RGS3: variants seen among roughly 807,000 people sequenced by gnomAD.
RGS3 encodes the protein regulator of G-protein signalling 3.
RGS3 carries 80 observed loss-of-function variants against 132.6 expected under a neutral mutation model. That is an observed-to-expected ratio of 0.60 (90% CI 0.50 to 0.73). RGS3 has a LOEUF of 0.73. Among genes scored for constraint, RGS3 ranks in the 30% least tolerant of loss-of-function variants. The probability of loss-of-function intolerance (pLI) is 0.00; values close to 1 mark genes in which losing one functional copy is unlikely to be tolerated. For missense variants in RGS3, 1,382 were observed against 1,530.8 expected (o/e 0.90, Z 1.62); for synonymous variants, 598 against 620.6 (o/e 0.96, Z 0.54).
chr9:113,477,024 G>C (rs1314319429), intron 3 of RGS3, among the ~76,000 whole-genome samples: 2 of 152,142 alleles, frequency 1.3e-5, no homozygotes, highest in Non-Finnish European at 2.9e-5. Flanking sequence ...TCGTTTGCCT[G>C]TTTCCAAACC....
chr9:113,471,539 T>C lies in RGS3; in HGVS notation c.416-7952T>C, dbSNP rs1476715118. Among the ~76,000 whole-genome samples the C allele has an allele frequency of 2.0e-5, 3 of 152,184 alleles. No homozygotes were observed. The East Asian group carries it at 5.8e-4, about 29-fold the overall frequency. On this transcript the variant is annotated intron_variant, in intron 3 of 24. Coordinates refer to ENST00000350696, the Ensembl canonical transcript of RGS3. ...TGTCATCCCAGAAATGGAAGTCCCC[T>C]ACATATATTTTCTAAGCTTTTTTGA...
intron 19 of RGS3, among the ~76,000 whole-genome samples, chr9:113,560,261 G>T (rs1481184565): frequency 6.6e-6 from 1 of 152,180 alleles, no homozygotes; most frequent in African/African-American, 2.4e-5. Flanking sequence ...AGATCAGGAA[G>T]GGGAACGGGC....
intron 19 of RGS3, among the ~76,000 whole-genome samples, chr9:113,555,432 T>C (rs1182557331): frequency 6.6e-6 from 1 of 152,068 alleles, no homozygotes; most frequent in African/African-American, 2.4e-5. Context: ...CTCCTAGGTA[T>C]TGTTATAATT....
intron 16 of RGS3, among the ~76,000 whole-genome samples, chr9:113,519,360 C>CT (rs1831826320): frequency 1.3e-5 from 2 of 152,090 alleles, no homozygotes; most frequent in Admixed American, 6.6e-5. Context: ...TCTCTGGAGA[C>CT]TTAGAACCAA....
upstream of RGS3, among the ~76,000 whole-genome samples, chr9:113,457,470 A>G (rs1829389316): frequency 6.6e-6 from 1 of 152,192 alleles, no homozygotes; most frequent in Non-Finnish European, 1.5e-5. Context: ...TGCTATATGT[A>G]TCCCCAGTGC....
chr9:113,597,008 A>C (rs1588313558), exon 25 of RGS3: 2 of 1,461,002 alleles, frequency 1.4e-6, no homozygotes. Flanking sequence ...TCCCCTGCCC[A>C]CCTGCCTCCC....
intron 19 of RGS3, among the ~76,000 whole-genome samples, chr9:113,552,918 G>A (rs1031435100): frequency 6.6e-6 from 1 of 151,820 alleles, no homozygotes; most frequent in African/African-American, 2.4e-5. Context: ...CATTATATTT[G>A]GTTTTTTAAC....
In RGS3 at chr9:113,596,723, G is replaced by T. The variant is rs747253196; in HGVS notation, c.3412-45G>T. The stretch of plus-strand genomic sequence containing the variant: ...TCCAGGCACATGGGCCCTAGGGTCA[G>T]TCCCCAGCAGGCAGCCCTGACCATG... On this transcript the variant is annotated intron_variant, in intron 24 of 24. Coordinates refer to ENST00000350696, the Ensembl canonical transcript of RGS3. 3.9e-6 allele frequency: 6 copies of T among 1,555,240 alleles called. No individual in the cohort carries two copies. The South Asian group carries it at 7.2e-5, about 19-fold the overall frequency.
chr9:113,595,404 G>A (rs1835714848), intron 23 of RGS3, 195 bp from the exon 22 acceptor site: 2 of 597,768 alleles, frequency 3.3e-6, no homozygotes, highest in Non-Finnish European at 3.0e-6. Context: ...TAGAGAGGGG[G>A]AGACCCCACT....
rs962562474 is a variant in RGS3, at chr9:113,579,569, G to C, written c.2038-3881G>C. Among the ~76,000 whole-genome samples the C allele has an allele frequency of 6.6e-6, 1 of 152,176 alleles. No homozygotes were observed. Among genetic ancestry groups the C allele is most frequent in the African/African-American group, 2.4e-5 (1 of 41,436 alleles). ...CCAGCACTCTAGACCCAAGGCCCTG[G>C]GTGAGCAAGCTGGTCTTCCTGGGGC... On this transcript the variant is annotated intron_variant, in intron 19 of 24. Coordinates refer to ENST00000350696, the Ensembl canonical transcript of RGS3. This position sits in a 1 kb window ranked among gnomAD's most constrained non-coding sequence, Gnocchi z 4.3.
intron 19 of RGS3, among the ~76,000 whole-genome samples, chr9:113,569,539 C>T (rs1317683112): frequency 6.6e-6 from 1 of 151,914 alleles, no homozygotes; most frequent in Non-Finnish European, 1.5e-5. Flanking sequence ...CAGCTCTGTA[C>T]TGTCCTCTCT....
chr9:113,445,881 G>A (rs1253210127), intron 1 of RGS3, among the ~76,000 whole-genome samples: 1 of 152,126 alleles, frequency 6.6e-6, no homozygotes, highest in Non-Finnish European at 1.5e-5. Context: ...GTTTCTCCAT[G>A]TTGGGCAGGT....
chr9:113,463,920 C>T lies in RGS3; in HGVS notation c.415+1719C>T. ...GGGGCTGGCGGCAGGGGCTGCTTCA[C>T]CCTGCTCCCAGCGCCCAGAAACGCA... is the stretch of plus-strand genomic sequence containing the variant. On this transcript the variant is annotated intron_variant, in intron 3 of 24. Coordinates refer to ENST00000350696, the Ensembl canonical transcript of RGS3. The surrounding 1 kb of genome is among the most constrained non-coding windows in gnomAD (Gnocchi z 4.6). 2 of 1,606,698 alleles carry T rather than the reference C, an allele frequency of 1.2e-6. No individual in the cohort carries two copies. Among genetic ancestry groups the T allele is most frequent in the Non-Finnish European group, 1.7e-6 (2 of 1,175,866 alleles).
intron 20 of RGS3, among the ~76,000 whole-genome samples, chr9:113,586,066 G>A (rs1309024532): frequency 1.3e-5 from 2 of 152,202 alleles, no homozygotes; most frequent in Non-Finnish European, 2.9e-5. Context: ...TAGGGGTGGT[G>A]CCCAGACCCT....
chr9:113,578,042 G>C (rs891996889), intron 19 of RGS3, among the ~76,000 whole-genome samples: 2 of 152,222 alleles, frequency 1.3e-5, no homozygotes, highest in African/African-American at 4.8e-5. Context: ...TCAGGAAAGC[G>C]GTCAGGGCTG....
chr9:113,517,359 T>C, intron 15 of RGS3, 182 bp from the exon 14 acceptor site: 3 of 694,580 alleles, frequency 4.3e-6, no homozygotes, highest in Non-Finnish European at 5.3e-6. Flanking sequence ...CAGCAGCGTC[T>C]CTCTTTCTGT....
At chr9:113,445,039 A>G (rs1158980801) in intron 1 of RGS3, 1 of 152,150 alleles carries the variant, frequency 6.6e-6, no homozygotes, top group Non-Finnish European at 1.5e-5. Context: ...TTAAACCAAC[A>G]AAAAGACTTA....
At chr9:113,567,957 G>C (rs1270608045) in intron 19 of RGS3, among the ~76,000 whole-genome samples, 1 of 152,240 alleles carries the variant, frequency 6.6e-6, no homozygotes, top group Non-Finnish European at 1.5e-5. Context: ...CTTGAGAGCT[G>C]CTTCCCATTG....
chr9:113,501,704 T>C (rs1402225257), intron 10 of RGS3: 1 of 1,410,740 alleles, frequency 7.1e-7, no homozygotes, highest in Non-Finnish European at 9.7e-7. Flanking sequence ...CTGAGAAGGA[T>C]CTCGCTCCTC....
Sources: allele counts gnomAD v4.1 joint callset (sites outside exome capture counted in the v4.1 genomes callset), GRCh38; gene constraint gnomAD v4.1.1; non-coding constraint Gnocchi (gnomAD v3.1); transcripts MANE v1.5; gene names NCBI Gene and HGNC (gene_info 2026-07-23, HGNC 2026-07-21).